Variants in DAB2IP observed in about 807,000 individuals in gnomAD.
DAB2IP encodes the protein DAB2 interacting protein.
Under a neutral mutation model 107.2 loss-of-function variants are expected in DAB2IP, and 28 were observed. That is an observed-to-expected ratio of 0.26 (90% CI 0.19 to 0.36). The LOEUF (loss-of-function observed/expected upper bound fraction) is 0.36. Ranked by LOEUF, DAB2IP falls within the 10% of genes least tolerant of loss-of-function variation. DAB2IP has a pLI of 1.00. For synonymous variants in DAB2IP, 755 were observed against 706.4 expected, an observed-to-expected ratio of 1.07 and a Z score of -1.09; for missense variants, 1,400 against 1,644.7, an observed-to-expected ratio of 0.85 and a Z score of 2.57.
At chr9:121,688,325 C>T (rs1828991521) in intron 2 of DAB2IP, among the ~76,000 whole-genome samples, 1 of 152,234 alleles carries the variant, frequency 6.6e-6, no homozygotes, top group South Asian at 2.1e-4. Flanking sequence ...CTGTTTCTAA[C>T]ACAAGGCTCT....
exon 8 of DAB2IP, chr9:121,763,834 A>T (rs1275767411): frequency 1.2e-6 from 2 of 1,614,130 alleles, no homozygotes; most frequent in Non-Finnish European, 1.7e-6. Flanking sequence ...GGCAACCTCA[A>T]GATGTGCTGC....
At chr9:121,741,420 C>T (rs1832333227) in intron 3 of DAB2IP, among the ~76,000 whole-genome samples, 1 of 152,226 alleles carries the variant, frequency 6.6e-6, no homozygotes, top group South Asian at 2.1e-4. Context: ...ACTTATGCTG[C>T]CTCCTGACAG....
chr9:121,577,371 C>A (rs1830086846), intron 1 of DAB2IP, among the ~76,000 whole-genome samples: 1 of 152,224 alleles, frequency 6.6e-6, no homozygotes, highest in South Asian at 2.1e-4. Context: ...AGGCTCGAAG[C>A]GTTCCAGCCG....
chr9:121,783,855 G>C, exon 16 of DAB2IP: 1 of 466,284 alleles, frequency 2.1e-6, no homozygotes, highest in Non-Finnish European at 3.9e-6. Context: ...AGGAGCTTGG[G>C]TCTCTCTCGG....
rs770073724 is a variant in DAB2IP, at chr9:121,772,746, G to A, written c.2218G>A (p.Ala740Thr). 6.2e-7 allele frequency: 1 copy of A among 1,613,930 alleles called. No homozygotes were observed. Among genetic ancestry groups the A allele is most frequent in the South Asian group, 1.1e-5 (1 of 91,080 alleles). Residue 740 changes from alanine (A) to threonine (T), a missense_variant, in exon 12 of 16, where the codon GCC (alanine) becomes ACC (threonine). This residue lies in a region of DAB2IP where 600 missense variants were observed against 659.1 expected (regional missense o/e 0.91). Coordinates refer to ENST00000408936, the Ensembl canonical transcript of DAB2IP. The surrounding 1 kb of genome is among the most constrained non-coding windows in gnomAD (Gnocchi z 4.7). Reference sequence around the variant, plus strand: ...AGCCAACGAGCCTGATCTTCAGATGGCCAACGGTGGCAAGAGCCTCTCCAT... The same window carrying A: ...AGCCAACGAGCCTGATCTTCAGATGACCAACGGTGGCAAGAGCCTCTCCAT...
At chr9:121,751,465 C>T (rs1833115316) in intron 3 of DAB2IP, 1 of 152,546 alleles carries the variant, frequency 6.6e-6, no homozygotes, top group African/African-American at 2.4e-5. Context: ...AGACCAGGGA[C>T]CACTTTGTGG....
intron 2 of DAB2IP, among the ~76,000 whole-genome samples, chr9:121,686,467 C>T (rs962780849): frequency 6.6e-6 from 1 of 152,146 alleles, no homozygotes; most frequent in African/African-American, 2.4e-5. Flanking sequence ...GAACTGGTTC[C>T]CGTTAAGGTG....
intron 1 of DAB2IP, among the ~76,000 whole-genome samples, chr9:121,601,447 C>T (rs1054081482): frequency 3.3e-5 from 5 of 152,202 alleles, no homozygotes; most frequent in Admixed American, 6.5e-5. Context: ...CAACATTCTT[C>T]CTGTTTGGGA....
At chr9:121,670,932 C>T (rs1009146120) in intron 1 of DAB2IP, among the ~76,000 whole-genome samples, 1 of 151,982 alleles carries the variant, frequency 6.6e-6, no homozygotes, top group Non-Finnish European at 1.5e-5. Flanking sequence ...GCAGGAGGAT[C>T]GCGAGGTCAA....
intron 1 of DAB2IP, among the ~76,000 whole-genome samples, chr9:121,612,513 A>T (rs1831130666): frequency 6.6e-6 from 1 of 152,202 alleles, no homozygotes; most frequent in Non-Finnish European, 1.5e-5. Context: ...TGGTATCCAC[A>T]GTCCCCGTGA....
At chr9:121,766,592 C>G (rs759836528) in exon 9 of DAB2IP, 2 of 1,614,026 alleles carry the variant, frequency 1.2e-6, no homozygotes, top group Non-Finnish European at 1.7e-6. Context: ...ATCAGCGCCT[C>G]CCTCTTCCTG....
At chr9:121,756,834 G>C (rs909786229) in intron 3 of DAB2IP, among the ~76,000 whole-genome samples, 179 bp from the exon 4 acceptor site, 2 of 152,198 alleles carry the variant, frequency 1.3e-5, no homozygotes, top group Non-Finnish European at 2.9e-5. Context: ...TCGGGAGGAG[G>C]TTCCCACCAG....
intron 5 of DAB2IP, 49 bp downstream of exon 5, chr9:121,759,045 C>T: frequency 1.9e-6 from 3 of 1,548,888 alleles, no homozygotes; most frequent in Non-Finnish European, 2.6e-6. Context: ...AAGGTAGGCT[C>T]AGATAGGAGG....
chr9:121,683,912 C>T (rs1828725674), intron 2 of DAB2IP, among the ~76,000 whole-genome samples: 1 of 152,226 alleles, frequency 6.6e-6, no homozygotes, highest in African/African-American at 2.4e-5. Context: ...GATTGGAGTG[C>T]TGGATGGGTT....
At chr9:121,604,545 A>T (rs1193234376) in intron 1 of DAB2IP, among the ~76,000 whole-genome samples, 1 of 151,910 alleles carries the variant, frequency 6.6e-6, no homozygotes, top group Non-Finnish European at 1.5e-5. Flanking sequence ...TTCAGGTTTT[A>T]TGTTGCCTGG....
chr9:121,774,726 T>C (rs960535293), intron 13 of DAB2IP, among the ~76,000 whole-genome samples: 1 of 152,150 alleles, frequency 6.6e-6, no homozygotes, highest in African/African-American at 2.4e-5. Flanking sequence ...CAGTTGAGCT[T>C]CCTGAGGACC....
chr9:121,759,823 G>A (rs906701084), intron 5 of DAB2IP, 62 bp from the exon 6 acceptor site: 11 of 1,475,530 alleles, frequency 7.5e-6, no homozygotes, highest in Non-Finnish European at 9.2e-6. Context: ...CAGGCTCTGG[G>A]CTGGTTGGGG....
chr9:121,567,338 G>A (rs1176402222), intron 1 of DAB2IP: 4 of 1,526,942 alleles, frequency 2.6e-6, no homozygotes, highest in East Asian at 4.5e-5. Flanking sequence ...TCAGGCATCT[G>A]GGCACTGTCT....
chr9:121,766,439 C>A, intron 8 of DAB2IP, 55 bp from the exon 9 acceptor site: 1 of 1,534,044 alleles, frequency 6.5e-7, no homozygotes, highest in South Asian at 1.2e-5. Context: ...TCTGTGCACT[C>A]CTGTCCTGGG....
Sources: allele counts gnomAD v4.1 joint callset (sites outside exome capture counted in the v4.1 genomes callset), GRCh38; gene constraint gnomAD v4.1.1; regional missense constraint gnomAD v4.1.1; non-coding constraint Gnocchi (gnomAD v3.1); transcripts MANE v1.5; gene names NCBI Gene and HGNC (gene_info 2026-07-23, HGNC 2026-07-21).